The following MPPED1 variants were observed in gnomAD, a reference collection of about 807,000 sequenced individuals.
The protein encoded by MPPED1 is metallophosphoesterase domain containing 1, also known as metallophosphoesterase domain-containing protein 1.
In MPPED1, 16 loss-of-function variants were observed where a neutral mutation model predicts 36.2. That is an observed-to-expected ratio of 0.44 (90% CI 0.30 to 0.67). MPPED1 has a LOEUF of 0.67. MPPED1 is among the 30% of genes least tolerant of loss of function. The pLI, the probability that MPPED1 is intolerant of heterozygous loss-of-function variation, is 0.10. For synonymous variants in MPPED1, 199 were observed against 191.3 expected, an observed-to-expected ratio of 1.04 and a Z score of -0.33; for missense variants, 307 against 453.4, an observed-to-expected ratio of 0.68 and a Z score of 2.93.
intron 3 of MPPED1, among the ~76,000 whole-genome samples, chr22:43,444,779 A>G (rs561026597): frequency 6.6e-6 from 1 of 151,546 alleles, no homozygotes; most frequent in South Asian, 2.1e-4. Flanking sequence ...AAAGTCCTGG[A>G]CTGTCTGAAA....
At chr22:43,483,312 C>T (rs1000040199) in intron 4 of MPPED1, among the ~76,000 whole-genome samples, 3 of 152,344 alleles carry the variant, frequency 2.0e-5, no homozygotes, top group East Asian at 3.9e-4. Flanking sequence ...TGGCCGGCCC[C>T]GAGGCAGCCC....
At chr22:43,436,659 G>A (rs1929971953) in intron 3 of MPPED1, among the ~76,000 whole-genome samples, 2 of 152,258 alleles carry the variant, frequency 1.3e-5, no homozygotes, top group Non-Finnish European at 2.9e-5. Flanking sequence ...TTCCCCGAGG[G>A]AGGCTGCTTG....
intron 1 of MPPED1, among the ~76,000 whole-genome samples, chr22:43,419,746 G>T (rs1311094231): frequency 6.6e-6 from 1 of 151,748 alleles, no homozygotes; most frequent in African/African-American, 2.4e-5. Flanking sequence ...GGGGGTGGGG[G>T]GTGGTCAGAG....
At chr22:43,461,229 TA>T (rs1930947718) in intron 3 of MPPED1, among the ~76,000 whole-genome samples, 1 of 152,182 alleles carries the variant, frequency 6.6e-6, no homozygotes, top group Admixed American at 6.5e-5. Flanking sequence ...AATGAGGCTT[TA>T]TATGCCAAAT....
chr22:43,437,439 C>T (rs1233234478), intron 3 of MPPED1, among the ~76,000 whole-genome samples: 2 of 152,210 alleles, frequency 1.3e-5, no homozygotes, highest in African/African-American at 2.4e-5. Context: ...AGTGAAGCCA[C>T]TTACCCAAAG....
At chr22:43,442,215 C>G (rs1328248951) in intron 3 of MPPED1, among the ~76,000 whole-genome samples, 1 of 151,986 alleles carries the variant, frequency 6.6e-6, no homozygotes, top group Non-Finnish European at 1.5e-5. Context: ...GTCCCCATCC[C>G]AGAGTTCATG....
intron 5 of MPPED1, among the ~76,000 whole-genome samples, chr22:43,499,159 G>A (rs566972628): frequency 6.5e-4 from 97 of 149,910 alleles, no homozygotes; most frequent in African/African-American, 2.1e-3. Context: ...TGGTGGTGAC[G>A]GAGGTGATGG....
chr22:43,500,818 G>A (rs1410958411), intron 5 of MPPED1, among the ~76,000 whole-genome samples: 1 of 152,248 alleles, frequency 6.6e-6, no homozygotes, highest in African/African-American at 2.4e-5. Flanking sequence ...GGTGAGGGAA[G>A]CTTGAGGAGT....
At position 43,485,322 on chromosome 22, in the gene MPPED1, A is replaced by G. The variant is rs111213341; in HGVS notation, c.632+10361A>G. Among the ~76,000 whole-genome samples, 415 of 152,168 alleles carry G rather than the reference A, an allele frequency of 2.7e-3. 5 individuals are homozygous for G. Among genetic ancestry groups the G allele is most frequent in the African/African-American group, 9.5e-3 (394 of 41,530 alleles). On this transcript the variant is annotated intron_variant, in intron 4 of 6. Transcript: ENST00000443721. ...TCCACAACCACACACATATTCATAG[A>G]CACATACACATGAACACACACATTC...
intron 2 of MPPED1, among the ~76,000 whole-genome samples, chr22:43,433,874 T>C (rs1320501866): frequency 6.6e-6 from 1 of 152,266 alleles, no homozygotes; most frequent in Non-Finnish European, 1.5e-5. Flanking sequence ...TCGAGCAGCA[T>C]ACTCATTTGG....
At chr22:43,413,141 C>A (rs1928963799) in intron 1 of MPPED1, among the ~76,000 whole-genome samples, 1 of 152,244 alleles carries the variant, frequency 6.6e-6, no homozygotes, top group Non-Finnish European at 1.5e-5. Flanking sequence ...CCCAGAGTTT[C>A]TTTGCCTTCC....
chr22:43,412,216 G>A, intron 1 of MPPED1, 58 bp downstream of exon 1: 14 of 920,328 alleles, frequency 1.5e-5, no homozygotes, highest in South Asian at 4.8e-5. Flanking sequence ...GGCGCGGGGC[G>A]CGGCCGGGAC....
chr22:43,500,278 C>CGGTGGTGATGGTGGT (rs773765868), intron 5 of MPPED1, among the ~76,000 whole-genome samples: 10,770 of 19,278 alleles, frequency 0.56, 3,031 homozygotes, highest in South Asian at 0.69. Context: ...ATGGAGGTGG[C>CGGTGGTGATGGTGGT]GGTGGTGATG....
chr22:43,471,354 G>C (rs1931369738), intron 3 of MPPED1, among the ~76,000 whole-genome samples: 1 of 152,160 alleles, frequency 6.6e-6, no homozygotes, highest in Non-Finnish European at 1.5e-5. Context: ...CTGCCTCCCT[G>C]CTGCAGTGTG....
chr22:43,417,497 A>G (rs1315345668), intron 1 of MPPED1, among the ~76,000 whole-genome samples: 1 of 147,928 alleles, frequency 6.8e-6, no homozygotes, highest in African/African-American at 2.5e-5. Context: ...GGGCTCATCA[A>G]TTGCATATTT....
At position 43,497,929 on chromosome 22, in the gene MPPED1, G is replaced by GTGTATATATATATATA. The variant is rs1555904565; in HGVS notation, c.633-305_633-304insGTATATATATATATAT. ...CTTAGGAAGAAGCTGATATATATAT[G>GTGTATATATATATATA]TATATGTATATATATATATGTATTT... On this transcript the variant is annotated intron_variant, in intron 4 of 6. Transcript: ENST00000443721. 2.5e-3 allele frequency among the ~76,000 whole-genome samples: 120 copies of GTGTATATATATATATA among 48,708 alleles called. 4 individuals are homozygous for GTGTATATATATATATA. The highest frequency in any genetic ancestry group is 6.6e-3 in the African/African-American group (105 of 15,836). The allele number at this position is 48,708 out of a possible 152,430, so 32.0% of individuals were successfully genotyped here. A position where few individuals can be genotyped will look rare whatever the true frequency, so the allele number is the denominator to read the frequency against.
rs1347491732 is a variant in MPPED1, at chr22:43,500,268, A to G, written c.748+1918A>G. Among the ~76,000 whole-genome samples the G allele has an allele frequency of 4.1e-4, 8 of 19,334 alleles. 1 individual carries two copies. Among genetic ancestry groups the G allele is most frequent in the African/African-American group, 9.9e-4 (4 of 4,030 alleles). The allele number at this position is 19,334 out of a possible 152,430, so 12.7% of individuals were successfully genotyped here. ...GGCAGTGATGATGGTGGTGATGGTG[A>G]TGGAGGTGGCGGTGGTGATGGGGGT... On this transcript the variant is annotated intron_variant, in intron 5 of 6. Transcript: ENST00000443721.
At chr22:43,442,645 G>C (rs1930190688) in intron 3 of MPPED1, among the ~76,000 whole-genome samples, 1 of 152,196 alleles carries the variant, frequency 6.6e-6, no homozygotes, top group East Asian at 1.9e-4. Context: ...TGCTGGCTCT[G>C]TCAGGACTGG....
intron 3 of MPPED1, among the ~76,000 whole-genome samples, chr22:43,460,333 T>C (rs1007108671): frequency 4.2e-5 from 6 of 143,538 alleles, no homozygotes; most frequent in African/African-American, 1.5e-4. Context: ...TTGTTTGTTG[T>C]TGTTTTTTGA....
Sources: gnomAD v4.1 joint callset for allele counts (sites outside exome capture counted in the v4.1 genomes callset) on GRCh38, gnomAD v4.1.1 for gene constraint, MANE v1.5 for transcripts, NCBI Gene and HGNC (gene_info 2026-07-23, HGNC 2026-07-21) for gene names.